Variants in SLC52A1 observed in about 807,000 individuals in gnomAD.
SLC52A1 encodes solute carrier family 52, riboflavin transporter, member 1.
In SLC52A1, 20 loss-of-function variants were observed where a neutral mutation model predicts 23.2. That is an observed-to-expected ratio of 0.86 (90% CI 0.61 to 1.25). SLC52A1 has a LOEUF of 1.25. SLC52A1 is among the 50% of genes most tolerant of loss of function. SLC52A1 has a pLI of 0.00. For missense variants in SLC52A1, 528 were observed against 557.0 expected (o/e 0.95, Z 0.52); for synonymous variants, 260 against 256.6 (o/e 1.01, Z -0.13).
upstream of SLC52A1, among the ~76,000 whole-genome samples, chr17:5,035,751 G>C (rs577886816): frequency 8.0e-4 from 2 of 2,488 alleles, no homozygotes; most frequent in East Asian, 0.036. Flanking sequence ...AGAGCGCAGC[G>C]GTGCGCGATC....
chr17:5,038,817 T>A (rs113287594), upstream of SLC52A1, among the ~76,000 whole-genome samples: 10,450 of 152,026 alleles, frequency 0.069, 443 homozygotes, highest in Middle Eastern at 0.13. Flanking sequence ...CTCGATCTTC[T>A]GACCTCGTGA....
Position 5,034,876 on chromosome 17 carries a change from G to C in SLC52A1, c.-123C>G. On this transcript the variant is annotated 5_prime_UTR_variant, in exon 1 of 5. Coordinates refer to ENST00000254853, the MANE Select transcript of SLC52A1 (RefSeq NM_017986.4). The stretch of plus-strand genomic sequence containing the variant: ...CAGGACTTACCACGGGGCACCGGCT[G>C]TGCGTTTGGGTACAGCGACCCAGCA... The C allele has an allele frequency of 2.7e-6, 1 of 369,772 alleles. No homozygotes were observed. The highest frequency in any genetic ancestry group is 5.1e-6 in the Non-Finnish European group (1 of 195,690). 22.9% of individuals were successfully genotyped at this position (369,772 alleles called of 1,614,324 possible).
At chr17:5,041,761 G>A (rs890133260) in intron 1 of SLC52A1, among the ~76,000 whole-genome samples, 1 of 151,978 alleles carries the variant, frequency 6.6e-6, no homozygotes, top group African/African-American at 2.4e-5. Flanking sequence ...TTACAGGTGT[G>A]AGCCACCACA....
At chr17:5,037,557 A>C (rs1328845572), upstream of SLC52A1, among the ~76,000 whole-genome samples, 2 of 152,106 alleles carry the variant, frequency 1.3e-5, no homozygotes, top group African/African-American at 4.8e-5. Flanking sequence ...TCCATAAATA[A>C]AATACTATCA....
upstream of SLC52A1, among the ~76,000 whole-genome samples, chr17:5,037,301 C>A (rs909469726): frequency 2.0e-5 from 3 of 152,190 alleles, no homozygotes; most frequent in Non-Finnish European, 4.4e-5. Flanking sequence ...GGGCTGATCA[C>A]CTGAGATCAG....
chr17:5,040,427 G>A (rs1975529476), upstream of SLC52A1, among the ~76,000 whole-genome samples: 1 of 152,148 alleles, frequency 6.6e-6, no homozygotes. Flanking sequence ...TACCACCTCA[G>A]CCTCCCAAAG....
Position 5,033,710 on chromosome 17 carries a change from G to T in SLC52A1, c.779C>A (p.Ala260Glu). The stretch of plus-strand genomic sequence containing the variant: ...GTCTGGGCCAGGGATGGTGCCTGCT[G>T]CCTGGCTCGGTGGCTCCTGCAATGG... The part of the protein sequence containing the change: ...ALPLQEPPSQ[A>E]AGTIPGPDPE... Residue 260 changes from alanine to glutamate, a missense_variant, in exon 3 of 5, where the codon GCA becomes GAA. Physicochemically the swap from Ala to Glu is moderately radical, Grantham distance 107. Transcript: ENST00000254853. The T allele has an allele frequency of 6.2e-7, 1 of 1,614,070 alleles. No homozygotes were observed. The highest frequency in any genetic ancestry group is 8.5e-7 in the Non-Finnish European group (1 of 1,180,048).
chr17:5,039,188 T>G (rs1975515697), upstream of SLC52A1, among the ~76,000 whole-genome samples: 1 of 151,698 alleles, frequency 6.6e-6, no homozygotes, highest in Non-Finnish European at 1.5e-5. Flanking sequence ...CTGGGCTTGG[T>G]GGCACGCACC....
At chr17:5,039,047 C>T (rs1382752543), upstream of SLC52A1, among the ~76,000 whole-genome samples, 1 of 66 alleles carries the variant, frequency 0.015, no homozygotes, top group Non-Finnish European at 0.029. Context: ...GTCAGCCGGG[C>T]GCGGTGGCCT....
Position 5,033,540 on chromosome 17 carries a change from C to T in SLC52A1, c.949G>A (p.Val317Met). Reference protein sequence around the residue: ...PYGRLAYHLAVVLGSAANPLA... With the variant: ...PYGRLAYHLAMVLGSAANPLA... ...GGGTTGGCGGCACTGCCCAGCACCA[C>T]AGCCAGGTGGTAGGCCAGGCGCCCA... The change falls in exon 3 of 5, where the codon GTG becomes ATG. Residue 317 changes from valine to methionine, a missense_variant. By Grantham distance (21) the Val-to-Met change is conservative (BLOSUM62 1). Coordinates refer to ENST00000254853, the MANE Select transcript of SLC52A1 (RefSeq NM_017986.4). 1 of 1,613,828 alleles carries T rather than the reference C, an allele frequency of 6.2e-7. No individual in the cohort carries two copies. Among genetic ancestry groups the T allele is most frequent in the Non-Finnish European group, 8.5e-7 (1 of 1,179,970 alleles).
rs774272078 is a variant in SLC52A1, at chr17:5,033,730, C to T, written c.759G>A (p.Leu253=). 3 of 1,614,102 alleles carry T rather than the reference C, an allele frequency of 1.9e-6. No homozygotes were observed. Among genetic ancestry groups the T allele is most frequent in the South Asian group, 1.1e-5 (1 of 91,086 alleles). Residue 253 remains leucine (L), a synonymous_variant, in exon 3 of 5, where the codon TTG becomes TTA. Coordinates refer to ENST00000254853, the MANE Select transcript of SLC52A1 (RefSeq NM_017986.4). ...EEKEEEEALP[L]QEPPSQAAGT... is the part of the protein sequence containing the mutation. ...CTGCTGCCTGGCTCGGTGGCTCCTG[C>T]AATGGCAAAGCCTCTTCTTCCTCCT... is the stretch of plus-strand genomic sequence containing the variant.
upstream of SLC52A1, among the ~76,000 whole-genome samples, chr17:5,039,735 C>T (rs954019798): frequency 2.0e-5 from 3 of 152,112 alleles, no homozygotes; most frequent in Non-Finnish European, 4.4e-5. Flanking sequence ...GCCTCCCAAA[C>T]TGTTGGGATT....
At chr17:5,037,060 C>T (rs1303030222), upstream of SLC52A1, among the ~76,000 whole-genome samples, 2 of 152,118 alleles carry the variant, frequency 1.3e-5, no homozygotes, top group East Asian at 3.9e-4. Flanking sequence ...GAGGTGAGAG[C>T]ATCCCTTGAG....
chr17:5,040,290 C>A (rs527542611), upstream of SLC52A1, among the ~76,000 whole-genome samples: 2 of 152,186 alleles, frequency 1.3e-5, no homozygotes, highest in East Asian at 3.9e-4. Flanking sequence ...CCACCCAGCT[C>A]AGCTTCCTGA....
chr17:5,033,281 T>C lies in SLC52A1; in HGVS notation c.1114A>G (p.Thr372Ala). The change falls in exon 4 of 5, where the codon ACT (threonine) becomes GCT (alanine). Residue 372 changes from threonine to alanine, a missense_variant. Thr to Ala is a moderately conservative substitution (Grantham distance 58). Transcript: ENST00000254853. ...CTCACCACAAGGACCACCCCTGCAG[T>C]GGTGCCCACCAGGGGTGGGCAGGGG... is the stretch of plus-strand genomic sequence containing the variant. Reference protein sequence around the residue: ...LSPCPPLVGTTAGVVLVVLSW... With the variant: ...LSPCPPLVGTAAGVVLVVLSW... 6.2e-7 allele frequency: 1 copy of C among 1,614,048 alleles called. No individual in the cohort carries two copies. The highest frequency in any genetic ancestry group is 8.5e-7 in the Non-Finnish European group (1 of 1,179,966).
At position 5,033,956 on chromosome 17, in the gene SLC52A1, T is replaced by TTGGTGGGCGC; in HGVS notation, c.523_532dup (p.Asn178SerfsTer15). On this transcript the variant is annotated frameshift_variant, in exon 3 of 5. Coordinates refer to ENST00000254853, the MANE Select transcript of SLC52A1 (RefSeq NM_017986.4). LOFTEE classifies it high-confidence loss of function. ...GTCGAGGGGAGGCCCAGAGGTGCCATTGGTGGGCGCTGGTGGGCACTCGAG... is the reference window on the plus strand; with the variant it reads ...GTCGAGGGGAGGCCCAGAGGTGCCATTGGTGGGCGCTGGTGGGCGCTGGTGGGCACTCGAG... The TTGGTGGGCGC allele has an allele frequency of 3.7e-6, 6 of 1,613,960 alleles. No individual in the cohort carries two copies. Among genetic ancestry groups the TTGGTGGGCGC allele is most frequent in the Non-Finnish European group, 5.1e-6 (6 of 1,179,966 alleles).
At chr17:5,033,195 C>G in intron 4 of SLC52A1, 26 bp from the exon 5 acceptor site, 1 of 1,613,182 alleles carries the variant, frequency 6.2e-7, no homozygotes, top group Non-Finnish European at 8.5e-7. Flanking sequence ...CAGCAGCAGG[C>G]TGAGCATGAC....
chr17:5,033,329 G>A lies in SLC52A1; in HGVS notation c.1066C>T (p.Leu356=). The A allele has an allele frequency of 1.2e-6, 2 of 1,614,090 alleles. 1 individual carries two copies. The highest frequency in any genetic ancestry group is 1.7e-6 in the Non-Finnish European group (2 of 1,179,984). ...GGGCTCAGGATTGCCAGTGCCATCA[G>A]GTAGGCCCCAAAGAGCATGCCCAGC... ...SLLGMLFGAY[L]MALAILSPCP... Residue 356 remains leucine (L), a synonymous_variant, in exon 4 of 5, where the codon CTG becomes TTG. Transcript: ENST00000254853.
intron 4 of SLC52A1, 38 bp downstream of exon 4, chr17:5,033,223 G>T (rs1404255913): frequency 1.2e-6 from 2 of 1,612,704 alleles, no homozygotes; most frequent in Non-Finnish European, 1.7e-6. Context: ...TGCTCCAGGG[G>T]ACACCCTCCT....
Sources: gnomAD v4.1 joint callset for allele counts (sites outside exome capture counted in the v4.1 genomes callset) on GRCh38, gnomAD v4.1.1 for gene constraint, MANE v1.5 for transcripts, NCBI Gene and HGNC (gene_info 2026-07-23, HGNC 2026-07-21) for gene names.